The following SLC4A10 variants were observed in gnomAD, a reference collection of about 807,000 sequenced individuals.
The protein encoded by SLC4A10 is solute carrier family 4 member 10.
In SLC4A10, 42 loss-of-function variants were observed where a neutral mutation model predicts 137.7. The observed-to-expected ratio is 0.30, with a 90% confidence interval of 0.24 to 0.39. The LOEUF is 0.39. SLC4A10 is among the 10% of genes least tolerant of loss of function. SLC4A10 has a pLI of 1.00. For missense variants in SLC4A10, 925 were observed against 1,355.0 expected, an observed-to-expected ratio of 0.68 and a Z score of 4.98; for synonymous variants, 474 against 464.1, an observed-to-expected ratio of 1.02 and a Z score of -0.27.
chr2:161,750,288 A>G (rs2048831926), intron 1 of SLC4A10, among the ~76,000 whole-genome samples: 1 of 151,434 alleles, frequency 6.6e-6, no homozygotes, highest in Non-Finnish European at 1.5e-5. Context: ...CTCTGCTAAC[A>G]TTGGGTTTAG....
chr2:161,640,140 A>T (rs140297318), intron 1 of SLC4A10, among the ~76,000 whole-genome samples: 191 of 152,202 alleles, frequency 1.3e-3, no homozygotes, highest in African/African-American at 4.4e-3. Flanking sequence ...GTAAGGACTC[A>T]AAGGTATTTA....
intron 5 of SLC4A10, among the ~76,000 whole-genome samples, chr2:161,860,044 T>C (rs1001562446): frequency 1.3e-5 from 2 of 152,228 alleles, no homozygotes; most frequent in Non-Finnish European, 2.9e-5. Context: ...ATATGTATTG[T>C]AGTGGTGAAA....
chr2:161,685,529 A>G (rs550483571), intron 1 of SLC4A10, among the ~76,000 whole-genome samples: 17 of 151,972 alleles, frequency 1.1e-4, no homozygotes, highest in African/African-American at 3.6e-4. Context: ...AATTGCTTGA[A>G]CCCAAGAGGT....
At chr2:161,635,497 GC>G (rs1373476029) in intron 1 of SLC4A10, among the ~76,000 whole-genome samples, 1 of 152,100 alleles carries the variant, frequency 6.6e-6, no homozygotes. Flanking sequence ...GTCTGCTTTT[GC>G]TTTGACTAGA....
At chr2:161,710,384 C>T (rs1194287805) in intron 1 of SLC4A10, among the ~76,000 whole-genome samples, 1 of 151,690 alleles carries the variant, frequency 6.6e-6, no homozygotes, top group Non-Finnish European at 1.5e-5. Context: ...GTATTCCTGA[C>T]CTTTCAAGAG....
chr2:161,891,278 G>T (rs1039416239), intron 10 of SLC4A10, among the ~76,000 whole-genome samples: 87 of 152,018 alleles, frequency 5.7e-4, no homozygotes, highest in Non-Finnish European at 1.0e-3. Flanking sequence ...GTGTTTTGGG[G>T]TTTCTCTTCT....
intron 3 of SLC4A10, among the ~76,000 whole-genome samples, chr2:161,813,752 A>G (rs1307680706): frequency 6.6e-6 from 1 of 152,062 alleles, no homozygotes; most frequent in Non-Finnish European, 1.5e-5. Context: ...AATAAGCTGT[A>G]TTTATCATTT....
intron 1 of SLC4A10, among the ~76,000 whole-genome samples, chr2:161,726,249 A>G (rs2046209759): frequency 6.6e-6 from 1 of 152,232 alleles, no homozygotes; most frequent in Non-Finnish European, 1.5e-5. Flanking sequence ...TAATAGGGAT[A>G]CAAATAAGTA....
chr2:161,720,976 G>A (rs1022406307), intron 1 of SLC4A10, among the ~76,000 whole-genome samples: 4 of 152,070 alleles, frequency 2.6e-5, no homozygotes, highest in African/African-American at 9.7e-5. Flanking sequence ...TTACAGGCAT[G>A]TGACACCACG....
Position 161,804,992 on chromosome 2 carries a change from C to G in SLC4A10, c.277+397C>G, listed in dbSNP as rs1203538990. On this transcript the variant is annotated intron_variant, in intron 3 of 26. Transcript: ENST00000446997. Reference sequence around the variant, plus strand: ...GTTGTATTAGTCCGTTTTCACACTGCTGATAAAGACATACCCGGACTAGAC... The same window carrying G: ...GTTGTATTAGTCCGTTTTCACACTGGTGATAAAGACATACCCGGACTAGAC... 3.3e-5 allele frequency among the ~76,000 whole-genome samples: 5 copies of G among 152,196 alleles called. No homozygotes were observed. The East Asian group carries it at 9.6e-4, about 29-fold the overall frequency.
At chr2:161,734,177 G>A (rs560259307) in intron 1 of SLC4A10, among the ~76,000 whole-genome samples, 1 of 152,140 alleles carries the variant, frequency 6.6e-6, no homozygotes, top group Admixed American at 6.5e-5. Context: ...GAAATGTGAT[G>A]ACATGAGATT....
intron 1 of SLC4A10, among the ~76,000 whole-genome samples, chr2:161,734,225 G>T (rs745339090): frequency 2.6e-5 from 4 of 152,158 alleles, no homozygotes; most frequent in Non-Finnish European, 4.4e-5. Flanking sequence ...GTTTGGCCCT[G>T]TGTTCCCACC....
At chr2:161,777,872 A>G (rs959958535) in intron 2 of SLC4A10, among the ~76,000 whole-genome samples, 10 of 151,896 alleles carry the variant, frequency 6.6e-5, no homozygotes, top group South Asian at 4.1e-4. Flanking sequence ...TTGAAGTTTA[A>G]GTTTTTGATT....
At chr2:161,869,425 A>G (rs1380497400) in intron 6 of SLC4A10, among the ~76,000 whole-genome samples, 1 of 151,716 alleles carries the variant, frequency 6.6e-6, no homozygotes, top group East Asian at 1.9e-4. Context: ...AACAATGATT[A>G]CAATTGATAA....
intron 1 of SLC4A10, among the ~76,000 whole-genome samples, chr2:161,696,042 C>G (rs2042458900): frequency 6.6e-6 from 1 of 151,200 alleles, no homozygotes; most frequent in Admixed American, 6.6e-5. Flanking sequence ...AGATATATCT[C>G]CTAATGCTAT....
At chr2:161,765,144 T>A (rs1354364317) in intron 1 of SLC4A10, among the ~76,000 whole-genome samples, 1 of 152,072 alleles carries the variant, frequency 6.6e-6, no homozygotes, top group Non-Finnish European at 1.5e-5. Context: ...AATATTGGGG[T>A]GCATTGTTAA....
At chr2:161,890,037 C>T (rs1348802519) in intron 10 of SLC4A10, among the ~76,000 whole-genome samples, 3 of 152,188 alleles carry the variant, frequency 2.0e-5, no homozygotes, top group Admixed American at 6.6e-5. Flanking sequence ...GCTTTAATTT[C>T]GTTATTTACC....
chr2:161,756,241 A>G (rs966021426), intron 1 of SLC4A10, among the ~76,000 whole-genome samples: 1 of 152,166 alleles, frequency 6.6e-6, no homozygotes, highest in Non-Finnish European at 1.5e-5. Flanking sequence ...AATCTCTACA[A>G]ATATGGATAT....
At chr2:161,919,798 G>A (rs908346279) in intron 15 of SLC4A10, among the ~76,000 whole-genome samples, 1 of 152,186 alleles carries the variant, frequency 6.6e-6, no homozygotes, top group Admixed American at 6.5e-5. Flanking sequence ...TCACCATGTT[G>A]CAGGTGAGGA....
Sources: allele counts gnomAD v4.1 joint callset (sites outside exome capture counted in the v4.1 genomes callset), GRCh38; gene constraint gnomAD v4.1.1; transcripts MANE v1.5; gene names NCBI Gene and HGNC (gene_info 2026-07-23, HGNC 2026-07-21).